Variants in PTPRJ observed in about 807,000 individuals in gnomAD.
PTPRJ encodes receptor-type tyrosine-protein phosphatase eta.
PTPRJ carries 129 observed loss-of-function variants against 141.3 expected under a neutral mutation model. The ratio of observed to expected loss-of-function variants is 0.91; its 90% CI spans 0.79 to 1.06. PTPRJ has a LOEUF of 1.06. PTPRJ is among the 50% of genes least tolerant of loss of function. The pLI, the probability that PTPRJ is intolerant of heterozygous loss-of-function variation, is 0.00. For missense variants in PTPRJ, 1,601 were observed against 1,679.7 expected, an observed-to-expected ratio of 0.95 and a Z score of 0.82; for synonymous variants, 610 against 640.5, an observed-to-expected ratio of 0.95 and a Z score of 0.72.
chr11:48,048,077 G>A (rs1854457934), intron 1 of PTPRJ, among the ~76,000 whole-genome samples: 1 of 152,148 alleles, frequency 6.6e-6, no homozygotes, highest in Non-Finnish European at 1.5e-5. Context: ...AAAAGGATAT[G>A]TTGGAGGGGG....
intron 17 of PTPRJ, 33 bp from the exon 18 acceptor site, chr11:48,150,063 T>C (rs187834272): frequency 1.3e-6 from 2 of 1,578,018 alleles, no homozygotes; most frequent in Non-Finnish European, 1.7e-6. Flanking sequence ...CTTCACTGAA[T>C]GTAAAAAATC....
At chr11:48,150,282 A>T in intron 18 of PTPRJ, 99 bp downstream of exon 18, 1 of 932,746 alleles carries the variant, frequency 1.1e-6, no homozygotes, top group East Asian at 2.5e-5. Flanking sequence ...CTGAAAGAAC[A>T]CTCGAGGGAC....
chr11:47,988,817 G>A (rs541385843), intron 1 of PTPRJ, among the ~76,000 whole-genome samples: 36 of 150,008 alleles, frequency 2.4e-4, no homozygotes, highest in African/African-American at 7.9e-4. Context: ...TCTCCATACC[G>A]TCTCATCTGA....
chr11:48,131,534 A>G (rs1856984484), intron 8 of PTPRJ: 1 of 776,386 alleles, frequency 1.3e-6, no homozygotes, highest in Admixed American at 1.7e-5. Flanking sequence ...CCTGCCTGGA[A>G]TTCCATCATC....
chr11:47,988,939 G>C (rs1438225080), intron 1 of PTPRJ, among the ~76,000 whole-genome samples: 2 of 137,282 alleles, frequency 1.5e-5, no homozygotes, highest in African/African-American at 5.7e-5. Context: ...CCAGGCTGGA[G>C]TGCAGTGGCG....
intron 1 of PTPRJ, among the ~76,000 whole-genome samples, chr11:47,986,603 G>C (rs987489225): frequency 1.3e-5 from 2 of 152,064 alleles, no homozygotes; most frequent in African/African-American, 2.4e-5. Context: ...TGCAACCTCC[G>C]CCTCCCGGGT....
At chr11:48,151,899 A>G (rs943590048) in intron 18 of PTPRJ, among the ~76,000 whole-genome samples, 1 of 152,208 alleles carries the variant, frequency 6.6e-6, no homozygotes, top group Non-Finnish European at 1.5e-5. Flanking sequence ...TAGTGCTGCA[A>G]TAAACATACA....
chr11:48,148,124 C>T (rs549137831), intron 15 of PTPRJ, among the ~76,000 whole-genome samples: 2 of 152,130 alleles, frequency 1.3e-5, no homozygotes, highest in Middle Eastern at 3.2e-3. Context: ...GGATCACAGG[C>T]GTGAGCCCCT....
intron 1 of PTPRJ, among the ~76,000 whole-genome samples, chr11:48,052,010 C>CGATGAT (rs973010407): frequency 6.6e-6 from 1 of 152,094 alleles, no homozygotes; most frequent in African/African-American, 2.4e-5. Flanking sequence ...CAATAAAGAT[C>CGATGAT]GATGATGATG....
chr11:47,983,354 T>C (rs1346313345), intron 1 of PTPRJ, among the ~76,000 whole-genome samples: 1 of 152,250 alleles, frequency 6.6e-6, no homozygotes, highest in African/African-American at 2.4e-5. Flanking sequence ...TCCTAAGAGC[T>C]GACTGGTTTT....
intron 1 of PTPRJ, among the ~76,000 whole-genome samples, chr11:48,025,135 G>C (rs769953434): frequency 7.2e-5 from 11 of 152,130 alleles, no homozygotes; most frequent in East Asian, 1.9e-4. Context: ...TGGAATCTAG[G>C]GGGGGCATAC....
At chr11:48,056,705 C>CCGGGCCG (rs1330979956) in intron 1 of PTPRJ, among the ~76,000 whole-genome samples, 2 of 152,152 alleles carry the variant, frequency 1.3e-5, no homozygotes, top group African/African-American at 2.4e-5. Flanking sequence ...GTAATCCCAG[C>CCGGGCCG]ACTTTGGGAG....
intron 1 of PTPRJ, among the ~76,000 whole-genome samples, chr11:48,096,106 G>C (rs1855996810): frequency 1.3e-5 from 2 of 152,200 alleles, no homozygotes; most frequent in Non-Finnish European, 2.9e-5. Context: ...GTTGATCACA[G>C]TTCATTGCCG....
intron 8 of PTPRJ, chr11:48,131,383 C>T: frequency 3.1e-6 from 2 of 637,682 alleles, no homozygotes; most frequent in Non-Finnish European, 5.8e-6. Flanking sequence ...GCACCCAGCC[C>T]ACAAATATAT....
At chr11:48,138,167 T>TCA (rs1433714070) in intron 10 of PTPRJ, among the ~76,000 whole-genome samples, 6 of 152,198 alleles carry the variant, frequency 3.9e-5, no homozygotes, top group Admixed American at 3.9e-4. Context: ...CCTGGTAGTA[T>TCA]AGGAGCTCCA....
In PTPRJ at chr11:48,149,499, C is replaced by G; in HGVS notation, c.3041+11C>G. On this transcript the variant is annotated intron_variant, in intron 16 of 24. Transcript: ENST00000418331. ...CTTTTCTCAAATTAAGTAAGTCTCT[C>G]AAATTATGAGCTTTATTTTAAATCC... 1 of 1,457,716 alleles carries G rather than the reference C, an allele frequency of 6.9e-7. No individual in the cohort carries two copies. Among genetic ancestry groups the G allele is most frequent in the Non-Finnish European group, 9.5e-7 (1 of 1,056,072 alleles). The allele number at this position is 1,457,716 out of a possible 1,614,324, so 90.3% of individuals were successfully genotyped here.
intron 10 of PTPRJ, among the ~76,000 whole-genome samples, chr11:48,139,142 AG>A (rs1385778202): frequency 1.3e-5 from 2 of 151,960 alleles, no homozygotes; most frequent in Non-Finnish European, 2.9e-5. Flanking sequence ...CAAAAAAAAA[AG>A]GGGGTCCTCA....
chr11:48,085,776 T>C lies in PTPRJ; in HGVS notation c.97-24282T>C, dbSNP rs1011746499. 2.0e-5 allele frequency among the ~76,000 whole-genome samples: 3 copies of C among 152,358 alleles called. No individual in the cohort carries two copies. In the East Asian group the frequency reaches 5.8e-4, roughly 29 times the overall value. On this transcript the variant is annotated intron_variant, in intron 1 of 24. Coordinates refer to ENST00000418331, the MANE Select transcript of PTPRJ (RefSeq NM_002843.4). ...GAGCCCTGTGGACTATGGAAGGGAT[T>C]GAAGCCATTCTGTGGATCCTATAGG...
At chr11:48,074,629 A>G (rs1279431267) in intron 1 of PTPRJ, among the ~76,000 whole-genome samples, 1 of 152,214 alleles carries the variant, frequency 6.6e-6, no homozygotes, top group Admixed American at 6.5e-5. Flanking sequence ...GTGTGAAAAA[A>G]GTCAATTATT....
Sources: gnomAD v4.1 joint callset for allele counts (sites outside exome capture counted in the v4.1 genomes callset) on GRCh38, gnomAD v4.1.1 for gene constraint, MANE v1.5 for transcripts, NCBI Gene and HGNC (gene_info 2026-07-23, HGNC 2026-07-21) for gene names.